Variants in XKR9 observed in about 807,000 individuals in gnomAD.
XKR9 encodes the protein XK related 9.
Under a neutral mutation model 32.0 loss-of-function variants are expected in XKR9, and 32 were observed. The ratio of observed to expected loss-of-function variants is 1.00; its 90% CI spans 0.76 to 1.34. The LOEUF is 1.34. Among genes scored for constraint, XKR9 ranks in the 40% most tolerant of loss-of-function variants. XKR9 has a pLI of 0.00. For missense variants in XKR9, 546 were observed against 429.7 expected, an observed-to-expected ratio of 1.27 and a Z score of -2.39; for synonymous variants, 168 against 143.4, an observed-to-expected ratio of 1.17 and a Z score of -1.22.
chr8:70,733,319 C>T (rs1023535600), intron 4 of XKR9, among the ~76,000 whole-genome samples: 1 of 151,618 alleles, frequency 6.6e-6, no homozygotes, highest in African/African-American at 2.4e-5. Context: ...CTCTCTCTAC[C>T]CCTCCTCCTC....
At chr8:70,941,617 C>G in the XKR9 span, among the ~76,000 whole-genome samples, 1 of 152,050 alleles carries the variant, frequency 6.6e-6, no homozygotes, top group Non-Finnish European at 1.5e-5. Flanking sequence ...TGCTGAGGAA[C>G]CCCAGGGGAA....
the XKR9 span, among the ~76,000 whole-genome samples, chr8:70,962,716 T>A: frequency 9.6e-3 from 1,465 of 152,302 alleles, 22 homozygotes; most frequent in African/African-American, 0.034. Flanking sequence ...TAATTCAATG[T>A]GCATGAGTCT....
At chr8:70,727,725 TAGTG>T (rs751047553) in intron 4 of XKR9, among the ~76,000 whole-genome samples, 28 of 151,782 alleles carry the variant, frequency 1.8e-4, no homozygotes, top group Non-Finnish European at 3.7e-4. Flanking sequence ...AAGGACAACT[TAGTG>T]GGTAGGGGAA....
At chr8:70,972,980 A>G in the XKR9 span, among the ~76,000 whole-genome samples, 3 of 152,176 alleles carry the variant, frequency 2.0e-5, no homozygotes, top group African/African-American at 7.2e-5. Context: ...CTGTCTTCAT[A>G]AAATGATTTA....
chr8:70,689,501 A>T (rs957318956), intron 3 of XKR9, among the ~76,000 whole-genome samples: 64 of 144,968 alleles, frequency 4.4e-4, no homozygotes, highest in Non-Finnish European at 7.9e-4. Context: ...TATATGTATT[A>T]TATATATATG....
chr8:71,006,218 C>T, the XKR9 span, among the ~76,000 whole-genome samples: 1 of 152,238 alleles, frequency 6.6e-6, no homozygotes, highest in Admixed American at 6.5e-5. Flanking sequence ...AATCCAAGTC[C>T]TTGTACAAGC....
chr8:70,743,071 C>T (rs1435462414), intron 2 of XKR9, among the ~76,000 whole-genome samples: 2 of 152,030 alleles, frequency 1.3e-5, no homozygotes, highest in African/African-American at 4.8e-5. Flanking sequence ...TATTCTCCCA[C>T]CTATTCCTGA....
the XKR9 span, among the ~76,000 whole-genome samples, chr8:70,861,645 G>T: frequency 0.037 from 5,656 of 152,096 alleles, 148 homozygotes; most frequent in South Asian, 0.078. Flanking sequence ...AACAGAGTAA[G>T]AACCTGAACC....
the XKR9 span, among the ~76,000 whole-genome samples, chr8:70,852,624 T>A: frequency 6.6e-6 from 1 of 152,060 alleles, no homozygotes; most frequent in Non-Finnish European, 1.5e-5. Context: ...ATAGACTGGA[T>A]AAAGAAAAAT....
chr8:70,704,423 A>G (rs959746796), intron 3 of XKR9, among the ~76,000 whole-genome samples: 4 of 152,162 alleles, frequency 2.6e-5, no homozygotes, highest in South Asian at 2.1e-4. Context: ...TTTTTAAGAG[A>G]CACTTAACAT....
chr8:70,907,959 A>G, the XKR9 span, among the ~76,000 whole-genome samples: 3 of 152,192 alleles, frequency 2.0e-5, no homozygotes, highest in Non-Finnish European at 2.9e-5. Flanking sequence ...GATACAAATA[A>G]TTGTTTTTTC....
the XKR9 span, among the ~76,000 whole-genome samples, chr8:71,061,275 A>G: frequency 6.6e-6 from 1 of 152,140 alleles, no homozygotes; most frequent in Admixed American, 6.5e-5. Context: ...ATTCCCATAG[A>G]GACAGAAGTG....
the XKR9 span, among the ~76,000 whole-genome samples, chr8:70,813,338 C>A: frequency 6.6e-6 from 1 of 152,162 alleles, no homozygotes; most frequent in African/African-American, 2.4e-5. Flanking sequence ...ACCATAAACC[C>A]TAGAAGAAAA....
the XKR9 span, among the ~76,000 whole-genome samples, chr8:70,980,165 C>T: frequency 5.3e-5 from 8 of 152,342 alleles, no homozygotes; most frequent in African/African-American, 1.9e-4. Flanking sequence ...GTATAGTCTG[C>T]CATGGCTTCC....
intron 4 of XKR9, among the ~76,000 whole-genome samples, chr8:70,731,529 A>G (rs1806665989): frequency 6.6e-6 from 1 of 152,148 alleles, no homozygotes. Context: ...TGCATGGGGA[A>G]CTGAATTAAC....
the XKR9 span, among the ~76,000 whole-genome samples, chr8:70,850,161 C>CA: frequency 6.6e-6 from 1 of 151,842 alleles, no homozygotes; most frequent in Non-Finnish European, 1.5e-5. Context: ...GCAGACACAA[C>CA]AAAAAAAGAA....
the XKR9 span, among the ~76,000 whole-genome samples, chr8:70,817,295 G>A: frequency 6.6e-6 from 1 of 152,088 alleles, no homozygotes; most frequent in African/African-American, 2.4e-5. Context: ...TGCAAAATCA[G>A]TGCATAAAAA....
chr8:70,952,323 C>G, the XKR9 span, among the ~76,000 whole-genome samples: 1 of 152,150 alleles, frequency 6.6e-6, no homozygotes, highest in Admixed American at 6.5e-5. Context: ...TATCATTTCC[C>G]CAATTCTGTC....
chr8:71,011,304 A>G, the XKR9 span, among the ~76,000 whole-genome samples: 1 of 152,212 alleles, frequency 6.6e-6, no homozygotes, highest in South Asian at 2.1e-4. Context: ...TCATAAACAC[A>G]TAGTAACTGA....
Sources: allele counts gnomAD v4.1 joint callset (sites outside exome capture counted in the v4.1 genomes callset), GRCh38; gene constraint gnomAD v4.1.1; transcripts MANE v1.5; gene names NCBI Gene and HGNC (gene_info 2026-07-23, HGNC 2026-07-21).